Variants in CACNA1A observed in about 807,000 individuals in gnomAD.
CACNA1A encodes voltage-dependent P/Q-type calcium channel subunit alpha-1A.
A neutral mutation model predicts 262.4 loss-of-function variants in CACNA1A; 57 were observed. That is an observed-to-expected ratio of 0.22 (90% CI 0.18 to 0.27). The LOEUF (loss-of-function observed/expected upper bound fraction) is 0.27. Among genes scored for constraint, CACNA1A ranks in the 10% least tolerant of loss-of-function variants. The pLI, the probability that CACNA1A is intolerant of heterozygous loss-of-function variation, is 1.00. For synonymous variants in CACNA1A, 1,431 were observed against 1,419.3 expected (o/e 1.01, Z -0.18); for missense variants, 2,526 against 3,562.8 (o/e 0.71, Z 7.41).
At chr19:13,334,549 TTGTGTGTGTGTTTGTGTGTGTG>T (rs946190164) in intron 7 of CACNA1A, 56 bp from the exon 8 acceptor site, 68 of 724,760 alleles carry the variant, frequency 9.4e-5, no homozygotes, top group African/African-American at 6.0e-4. Flanking sequence ...TAGGAAACGT[TTGTGTGTGTGTTTGTGTGTGTG>T]TGTGTGTGTG....
intron 29 of CACNA1A, among the ~76,000 whole-genome samples, 190 bp downstream of exon 29, chr19:13,254,905 G>C (rs1215444041): frequency 6.6e-6 from 1 of 152,096 alleles, no homozygotes; most frequent in African/African-American, 2.4e-5. Flanking sequence ...AGGTACAGCT[G>C]GGAAGAAGAA....
chr19:13,469,598 G>T (rs2061315536), intron 1 of CACNA1A, among the ~76,000 whole-genome samples: 1 of 143,986 alleles, frequency 6.9e-6, no homozygotes, highest in African/African-American at 2.6e-5. Context: ...ACAGGCGCCC[G>T]CCACCACGCC....
intron 1 of CACNA1A, among the ~76,000 whole-genome samples, chr19:13,485,682 G>A (rs1435609842): frequency 1.3e-5 from 2 of 152,170 alleles, no homozygotes; most frequent in Non-Finnish European, 2.9e-5. Flanking sequence ...AAATCACCAT[G>A]AGAAAGGCTA....
rs1456597171 is a variant in CACNA1A at position 13,209,403 on chromosome 19, G to C, written c.6435C>G (p.Pro2145=). ...LDDYSLERVP[P]EENQRHHQRR... ...GCTGGTGGTGCCGCTGGTTCTCCTC[G>C]GGCGGGACCCGCTCCAGCGAGTAAT... Residue 2145 remains proline, a synonymous_variant, in exon 45 of 47, where the codon CCC becomes CCG. Coordinates refer to ENST00000360228, the MANE Select transcript of CACNA1A (RefSeq NM_001127222.2). 10 of 1,400,012 alleles carry C rather than the reference G, an allele frequency of 7.1e-6. No individual in the cohort carries two copies. Among genetic ancestry groups the C allele is most frequent in the Non-Finnish European group, 9.3e-6 (10 of 1,073,652 alleles). The allele number at this position is 1,400,012 out of a possible 1,614,324, so 86.7% of individuals were successfully genotyped here.
chr19:13,302,541 C>T (rs2057807652), intron 17 of CACNA1A, among the ~76,000 whole-genome samples: 1 of 152,214 alleles, frequency 6.6e-6, no homozygotes, highest in African/African-American at 2.4e-5. Context: ...CTTGTAGGAT[C>T]AATGAAAGAA....
chr19:13,291,798 C>G (rs2057545189), intron 19 of CACNA1A, among the ~76,000 whole-genome samples: 4 of 151,858 alleles, frequency 2.6e-5, no homozygotes, highest in African/African-American at 9.7e-5. Context: ...CAGAGCAAGA[C>G]TGTTTTTTTT....
rs1216892865 is a variant in CACNA1A, at chr19:13,269,711, T to C, written c.3989+6139A>G. ...GCACAGAGCGTGATACCACGTGTGA[T>C]GGCTCATGAAATGGGGTGTTTATGG... On this transcript the variant is annotated intron_variant, in intron 24 of 46. Transcript: ENST00000360228. 2.0e-5 allele frequency among the ~76,000 whole-genome samples: 3 copies of C among 152,208 alleles called. No homozygotes were observed. In the East Asian group the frequency reaches 5.8e-4, roughly 29 times the overall value.
At chr19:13,324,759 A>G (rs1600332273) in intron 10 of CACNA1A, among the ~76,000 whole-genome samples, 2 of 152,084 alleles carry the variant, frequency 1.3e-5, no homozygotes, top group African/African-American at 4.8e-5. Flanking sequence ...CTGTAGTCCC[A>G]GCTACTTGGG....
At chr19:13,309,940 C>A (rs910082323) in intron 12 of CACNA1A, among the ~76,000 whole-genome samples, 1 of 152,254 alleles carries the variant, frequency 6.6e-6, no homozygotes, top group African/African-American at 2.4e-5. Flanking sequence ...TTCATCACCC[C>A]CAAAGGAGGC....
At chr19:13,224,556 G>A in intron 38 of CACNA1A, 111 bp downstream of exon 38, 1 of 714,940 alleles carries the variant, frequency 1.4e-6, no homozygotes, top group Non-Finnish European at 2.5e-6. Flanking sequence ...GAATGGAAGA[G>A]TGAATGAAGA....
chr19:13,250,814 CT>C (rs1388775895), intron 30 of CACNA1A, among the ~76,000 whole-genome samples: 2 of 152,112 alleles, frequency 1.3e-5, no homozygotes, highest in Non-Finnish European at 2.9e-5. Flanking sequence ...TCAAGGTTAC[CT>C]TTTGTAATAA....
At chr19:13,209,072 A>T (rs1600080443) in intron 45 of CACNA1A, 63 bp from the exon 46 acceptor site, 3 of 1,533,282 alleles carry the variant, frequency 2.0e-6, no homozygotes, top group Non-Finnish European at 2.6e-6. Context: ...GGGCAGATGC[A>T]CACACAGGAG....
chr19:13,228,380 CAA>C (rs2055546030), intron 36 of CACNA1A, among the ~76,000 whole-genome samples: 1 of 151,622 alleles, frequency 6.6e-6, no homozygotes, highest in Admixed American at 6.6e-5. Flanking sequence ...GGGAGAAATG[CAA>C]AGTTACAATC....
chr19:13,237,150 C>T (rs781056111), intron 31 of CACNA1A, among the ~76,000 whole-genome samples: 7 of 152,100 alleles, frequency 4.6e-5, no homozygotes, highest in Non-Finnish European at 1.0e-4. Flanking sequence ...ATGGCACTTG[C>T]TTTCCTGGTT....
At chr19:13,455,236 C>G (rs2060985972) in intron 1 of CACNA1A, 24 bp from the exon 2 acceptor site, 1 of 1,482,450 alleles carries the variant, frequency 6.7e-7, no homozygotes, top group African/African-American at 1.4e-5. Flanking sequence ...AAGGAAAAAT[C>G]TTGTTCAAAG....
intron 3 of CACNA1A, among the ~76,000 whole-genome samples, chr19:13,417,301 G>T (rs989623915): frequency 1.3e-5 from 2 of 152,178 alleles, no homozygotes; most frequent in Non-Finnish European, 2.9e-5. Context: ...TGTGGGTCCC[G>T]AGGGGTTTCC....
At chr19:13,479,385 G>A (rs1978972192) in intron 1 of CACNA1A, among the ~76,000 whole-genome samples, 1 of 152,172 alleles carries the variant, frequency 6.6e-6, no homozygotes, top group South Asian at 2.1e-4. Flanking sequence ...GGTCACCTGA[G>A]AGAAGAACAA....
chr19:13,345,623 AAAAAC>A (rs996344023), intron 6 of CACNA1A, among the ~76,000 whole-genome samples: 3 of 152,180 alleles, frequency 2.0e-5, no homozygotes, highest in Non-Finnish European at 2.9e-5. Context: ...TTAAAAAAAC[AAAAAC>A]AAAACAAAAC....
chr19:13,290,056 G>A (rs1258450088), intron 19 of CACNA1A, among the ~76,000 whole-genome samples: 1 of 151,422 alleles, frequency 6.6e-6, no homozygotes, highest in Non-Finnish European at 1.5e-5. Flanking sequence ...AGCCTCCAGA[G>A]TAGCTGGGAC....
Sources: allele counts gnomAD v4.1 joint callset (sites outside exome capture counted in the v4.1 genomes callset), GRCh38; gene constraint gnomAD v4.1.1; transcripts MANE v1.5; gene names NCBI Gene and HGNC (gene_info 2026-07-23, HGNC 2026-07-21).